Variants in NMNAT2 observed in about 807,000 individuals in gnomAD.
NMNAT2 encodes the protein nicotinamide nucleotide adenylyltransferase 2.
NMNAT2 carries 11 observed loss-of-function variants against 41.6 expected under a neutral mutation model. That is an observed-to-expected ratio of 0.26 (90% CI 0.17 to 0.44). The LOEUF is 0.44. Among genes scored for constraint, NMNAT2 ranks in the 20% least tolerant of loss-of-function variants. The pLI, the probability that NMNAT2 is intolerant of heterozygous loss-of-function variation, is 1.00. For synonymous variants in NMNAT2, 148 were observed against 151.2 expected (o/e 0.98, Z 0.16); for missense variants, 288 against 407.7 (o/e 0.71, Z 2.53).
Position 183,261,069 on chromosome 1 carries a change from T to G in NMNAT2, c.754A>C (p.Asn252His). 1 of 1,613,910 alleles carries G rather than the reference T, an allele frequency of 6.2e-7. No individual in the cohort carries two copies. The highest frequency in any genetic ancestry group is 8.5e-7 in the Non-Finnish European group (1 of 1,179,800). The change falls in exon 10 of 11, where the codon AAC becomes CAC. Residue 252 changes from asparagine (N) to histidine (H), a missense_variant and splice_region_variant. By Grantham distance (68) the Asn-to-His change is moderately conservative. Around this residue, in one of 3 missense-constraint regions of NMNAT2, gnomAD observed 181 missense variants for 213.7 expected, o/e 0.85. Transcript: ENST00000287713. ...TCATCCTTCACCACCATGATGTTGT[T>G]CTGAGGACAGAGCAGACAGAGTCAG... ...NHSSILRKYK[N>H]NIMVVKDDIN...
intron 1 of NMNAT2, among the ~76,000 whole-genome samples, chr1:183,316,310 G>A (rs1213280426): frequency 6.6e-6 from 1 of 152,176 alleles, no homozygotes; most frequent in Non-Finnish European, 1.5e-5. Context: ...GTCACCCAGG[G>A]TCTGTTGCCC....
chr1:183,387,559 T>C (rs1122258), intron 1 of NMNAT2, among the ~76,000 whole-genome samples: 37,718 of 152,134 alleles, frequency 0.25, 4,684 homozygotes, highest in South Asian at 0.29. Context: ...TGTCAACTAA[T>C]CTACTATGTT....
chr1:183,350,367 C>A (rs1267754940), intron 1 of NMNAT2, among the ~76,000 whole-genome samples: 1 of 152,000 alleles, frequency 6.6e-6, no homozygotes, highest in East Asian at 1.9e-4. Flanking sequence ...TGAGAGAAAT[C>A]CATTCAAAGA....
At chr1:183,387,017 A>G (rs1429165592) in intron 1 of NMNAT2, among the ~76,000 whole-genome samples, 1 of 152,014 alleles carries the variant, frequency 6.6e-6, no homozygotes, top group African/African-American at 2.4e-5. Context: ...TTGATGTTGA[A>G]AATGCCTGTG....
chr1:183,293,357 A>G (rs1464317144), intron 2 of NMNAT2, among the ~76,000 whole-genome samples: 3 of 152,362 alleles, frequency 2.0e-5, no homozygotes, highest in African/African-American at 7.2e-5. Flanking sequence ...TCCTGAGAAG[A>G]CTTGCCCAGT....
intron 1 of NMNAT2, among the ~76,000 whole-genome samples, chr1:183,368,288 G>A (rs2102364082): frequency 6.6e-6 from 1 of 152,266 alleles, no homozygotes; most frequent in South Asian, 2.1e-4. Flanking sequence ...TCCCTGCAGA[G>A]TGACAGGGTC....
At chr1:183,267,382 T>C (rs1226999899) in intron 8 of NMNAT2, 3 of 152,226 alleles carry the variant, frequency 2.0e-5, no homozygotes, top group African/African-American at 7.2e-5. Flanking sequence ...GAAATTTTGA[T>C]ATAGCATGTG....
chr1:183,268,689 G>C (rs1319127847), intron 8 of NMNAT2, among the ~76,000 whole-genome samples: 2 of 152,180 alleles, frequency 1.3e-5, no homozygotes, highest in Non-Finnish European at 2.9e-5. Context: ...CAAGTTTCCT[G>C]TACTCAAAGG....
intron 1 of NMNAT2, among the ~76,000 whole-genome samples, chr1:183,416,326 C>A (rs911616227): frequency 6.6e-6 from 1 of 152,186 alleles, no homozygotes; most frequent in Non-Finnish European, 1.5e-5. Context: ...TCATCCCCAG[C>A]CCAATGGCTC....
At chr1:183,326,783 T>C (rs1220338037) in intron 1 of NMNAT2, among the ~76,000 whole-genome samples, 1 of 152,030 alleles carries the variant, frequency 6.6e-6, no homozygotes, top group African/African-American at 2.4e-5. Flanking sequence ...TGAGACTCCA[T>C]TAGAAAGATG....
intron 10 of NMNAT2, among the ~76,000 whole-genome samples, chr1:183,256,243 C>CA (rs1660513445): frequency 1.3e-5 from 2 of 151,564 alleles, no homozygotes; most frequent in Non-Finnish European, 2.9e-5. Flanking sequence ...CTGTCTCTAC[C>CA]AAAAATACAC....
At chr1:183,322,196 G>T (rs983903924) in intron 1 of NMNAT2, among the ~76,000 whole-genome samples, 4 of 152,158 alleles carry the variant, frequency 2.6e-5, no homozygotes, top group African/African-American at 9.7e-5. Context: ...TATAAGTAAA[G>T]ACTGAACAGA....
At chr1:183,310,737 C>G (rs994348786) in intron 1 of NMNAT2, among the ~76,000 whole-genome samples, 23 of 152,002 alleles carry the variant, frequency 1.5e-4, no homozygotes, top group Non-Finnish European at 7.4e-5. Context: ...GTTTGTCAAC[C>G]GTGCCAGGGT....
At chr1:183,270,022 T>C (rs551549101) in intron 8 of NMNAT2, among the ~76,000 whole-genome samples, 9 of 152,310 alleles carry the variant, frequency 5.9e-5, no homozygotes, top group Non-Finnish European at 1.2e-4. Flanking sequence ...TAGCTGGGAC[T>C]ACAGGCACCC....
intron 1 of NMNAT2, among the ~76,000 whole-genome samples, chr1:183,317,986 A>T (rs1204787961): frequency 2.0e-5 from 3 of 152,216 alleles, no homozygotes; most frequent in Non-Finnish European, 4.4e-5. Flanking sequence ...AACACAATAC[A>T]GTGTTAAAGG....
At chr1:183,339,274 T>C (rs1350096785) in intron 1 of NMNAT2, among the ~76,000 whole-genome samples, 1 of 152,082 alleles carries the variant, frequency 6.6e-6, no homozygotes, top group African/African-American at 2.4e-5. Context: ...ATTTTTTGTA[T>C]TTTTAGTAGA....
At chr1:183,325,055 C>A (rs1662433841) in intron 1 of NMNAT2, among the ~76,000 whole-genome samples, 1 of 152,184 alleles carries the variant, frequency 6.6e-6, no homozygotes, top group Non-Finnish European at 1.5e-5. Flanking sequence ...AGAAGTCACA[C>A]CAAATTGTGT....
intron 8 of NMNAT2, among the ~76,000 whole-genome samples, chr1:183,268,962 G>T (rs1660892091): frequency 6.6e-6 from 1 of 152,094 alleles, no homozygotes; most frequent in South Asian, 2.1e-4. Context: ...GAGGCAAGAG[G>T]ATCGCTTGAC....
chr1:183,310,790 G>A (rs555408861), intron 1 of NMNAT2, among the ~76,000 whole-genome samples: 3 of 151,522 alleles, frequency 2.0e-5, no homozygotes, highest in East Asian at 1.9e-4. Flanking sequence ...CTGTTTTAAA[G>A]GGAAACTAGA....
Sources: gnomAD v4.1 joint callset for allele counts (sites outside exome capture counted in the v4.1 genomes callset) on GRCh38, gnomAD v4.1.1 for gene constraint, gnomAD v4.1.1 regional missense constraint, MANE v1.5 for transcripts, NCBI Gene and HGNC (gene_info 2026-07-23, HGNC 2026-07-21) for gene names.